The following EBPL variants were observed in gnomAD, a reference collection of about 807,000 sequenced individuals.
EBPL encodes emopamil-binding protein-like.
EBPL carries 20 observed loss-of-function variants against 19.0 expected under a neutral mutation model. The observed-to-expected ratio is 1.05, with a 90% CI of 0.74 to 1.53. The LOEUF (loss-of-function observed/expected upper bound fraction) is 1.53. Among genes scored for constraint, EBPL ranks in the 40% most tolerant of loss-of-function variants. The probability of loss-of-function intolerance (pLI) is 0.00; values close to 1 mark genes in which losing one functional copy is unlikely to be tolerated. For synonymous variants in EBPL, 107 were observed against 117.0 expected, an observed-to-expected ratio of 0.91 and a Z score of 0.55; for missense variants, 219 against 261.1, an observed-to-expected ratio of 0.84 and a Z score of 1.11.
intron 1 of EBPL, among the ~76,000 whole-genome samples, chr13:49,683,297 C>A (rs546838409): frequency 6.6e-6 from 1 of 151,808 alleles, no homozygotes; most frequent in Non-Finnish European, 1.5e-5. Context: ...GAGGCCGAGG[C>A]GGGCAGATCA....
chr13:49,663,874 G>A (rs947967875), intron 2 of EBPL, among the ~76,000 whole-genome samples: 2 of 151,218 alleles, frequency 1.3e-5, no homozygotes, highest in South Asian at 2.1e-4. Context: ...GCAGTGAGCC[G>A]AGATTGCGCC....
rs561540710 is a variant in EBPL at position 49,675,606 on chromosome 13, G to T, written c.172-5760C>A. Among the ~76,000 whole-genome samples the T allele has an allele frequency of 2.6e-5, 4 of 152,320 alleles. No individual in the cohort carries two copies. The East Asian group carries it at 7.7e-4, about 29-fold the overall frequency. Reference sequence around the variant, plus strand: ...TATTCATTTGCTGGTGGACATTTATGTTGTTTCCATTTTGGGGTTATTGTG... The same window carrying T: ...TATTCATTTGCTGGTGGACATTTATTTTGTTTCCATTTTGGGGTTATTGTG... On this transcript the variant is annotated intron_variant, in intron 1 of 3. Coordinates refer to ENST00000242827, the MANE Select transcript of EBPL (RefSeq NM_032565.5).
chr13:49,689,436 A>G (rs1414688631), intron 1 of EBPL, among the ~76,000 whole-genome samples: 7 of 152,034 alleles, frequency 4.6e-5, no homozygotes, highest in African/African-American at 1.7e-4. Context: ...TACAACCTCC[A>G]CCTTCCAGGT....
chr13:49,663,869 G>A (rs1203048991), intron 2 of EBPL, among the ~76,000 whole-genome samples: 1 of 151,522 alleles, frequency 6.6e-6, no homozygotes, highest in Non-Finnish European at 1.5e-5. Flanking sequence ...AGCTTGCAGT[G>A]AGCCGAGATT....
intron 1 of EBPL, among the ~76,000 whole-genome samples, chr13:49,670,092 A>G (rs1299330432): frequency 6.6e-6 from 1 of 152,232 alleles, no homozygotes; most frequent in Non-Finnish European, 1.5e-5. Context: ...TTGGCACTGT[A>G]AAAGCAGAGA....
At position 49,673,955 on chromosome 13, in the gene EBPL, A is replaced by G. The variant is rs1295642107; in HGVS notation, c.172-4109T>C. ...CTACCCAGTTGATACAATTATATGG[A>G]ACTTAATACACACACACACACACAC... On this transcript the variant is annotated intron_variant, in intron 1 of 3. Coordinates refer to ENST00000242827, the MANE Select transcript of EBPL (RefSeq NM_032565.5). Among the ~76,000 whole-genome samples the G allele has an allele frequency of 3.1e-5, 4 of 128,156 alleles. No homozygotes were observed. The Admixed American group carries it at 3.3e-4, about 11-fold the overall frequency. The allele number at this position is 128,156 out of a possible 152,430, so 84.1% of individuals were successfully genotyped here. A position where few individuals can be genotyped will look rare whatever the true frequency, so the allele number is the denominator to read the frequency against.
rs148149040 is a variant in EBPL at position 49,676,263 on chromosome 13, C to A, written c.172-6417G>T. On this transcript the variant is annotated intron_variant, in intron 1 of 3. Coordinates refer to ENST00000242827, the MANE Select transcript of EBPL (RefSeq NM_032565.5). ...TCTGCAGTGAATCTTGAGCCCCCCT[C>A]CCCTGCTGCCTGGTAACCTCCTCTT... Among the ~76,000 whole-genome samples the A allele has an allele frequency of 6.4e-3, 969 of 152,242 alleles. 10 individuals carry two copies. Among genetic ancestry groups the A allele is most frequent in the African/African-American group, 0.022 (926 of 41,556 alleles).
At chr13:49,669,328 G>C (rs976641123) in intron 2 of EBPL, among the ~76,000 whole-genome samples, 40 of 152,288 alleles carry the variant, frequency 2.6e-4, no homozygotes, top group African/African-American at 9.4e-4. Flanking sequence ...AGCCTCCTGA[G>C]TAGCTGGGAC....
intron 2 of EBPL, among the ~76,000 whole-genome samples, chr13:49,669,292 C>G (rs1440922762): frequency 2.6e-5 from 4 of 152,132 alleles, no homozygotes; most frequent in African/African-American, 4.8e-5. Flanking sequence ...CCTTGAACTC[C>G]TGGGCTCAAA....
intron 1 of EBPL, among the ~76,000 whole-genome samples, chr13:49,671,066 A>G (rs1019758057): frequency 6.6e-5 from 10 of 152,150 alleles, no homozygotes; most frequent in African/African-American, 2.2e-4. Flanking sequence ...ATGGGCCACA[A>G]TTTCTTTCCT....
intron 1 of EBPL, among the ~76,000 whole-genome samples, chr13:49,673,885 G>A (rs1953845357): frequency 6.6e-6 from 1 of 151,808 alleles, no homozygotes; most frequent in Non-Finnish European, 1.5e-5. Flanking sequence ...CCTTGTTAGT[G>A]CTGGAACTAT....
At chr13:49,662,642 CT>C (rs397749443) in intron 3 of EBPL, among the ~76,000 whole-genome samples, 172 of 144,774 alleles carry the variant, frequency 1.2e-3, no homozygotes, top group Admixed American at 1.5e-3. Context: ...TTCTCTTCTG[CT>C]TTTTTTTTTT....
intron 3 of EBPL, chr13:49,661,843 A>G (rs1206812181): frequency 1.9e-6 from 3 of 1,550,212 alleles, no homozygotes; most frequent in Non-Finnish European, 2.6e-6. Flanking sequence ...AGATGGTGGA[A>G]AATGGAATGC....
chr13:49,664,570 ACTTT>A (rs1965199372), intron 2 of EBPL, among the ~76,000 whole-genome samples: 2 of 152,292 alleles, frequency 1.3e-5, no homozygotes, highest in South Asian at 4.1e-4. Flanking sequence ...TTATTTAATT[ACTTT>A]CTTAATTTGT....
At chr13:49,682,076 C>T (rs1413462693) in intron 1 of EBPL, among the ~76,000 whole-genome samples, 1 of 152,212 alleles carries the variant, frequency 6.6e-6, no homozygotes, top group African/African-American at 2.4e-5. Context: ...GGTGACAAGG[C>T]TTTAATGACT....
At chr13:49,678,641 G>A (rs994261213) in intron 1 of EBPL, among the ~76,000 whole-genome samples, 2 of 151,530 alleles carry the variant, frequency 1.3e-5, no homozygotes, top group Admixed American at 6.6e-5. Flanking sequence ...TGCGCAGCCC[G>A]GGTTCTCGCC....
intron 1 of EBPL, among the ~76,000 whole-genome samples, chr13:49,689,885 C>T (rs998857400): frequency 2.0e-5 from 3 of 152,112 alleles, no homozygotes; most frequent in Admixed American, 1.3e-4. Context: ...GGCGGTGGCT[C>T]ACGCCTGTCA....
Position 49,661,041 on chromosome 13 carries a change from A to C in EBPL, c.548T>G (p.Leu183Arg), listed in dbSNP as rs780455715. The stretch of plus-strand genomic sequence containing the variant: ...GAGTTCTAGCCATGACTGCCACAGT[A>C]GCAGTCCTGGGATCAGAACCCACAC... ...NGVWVLIPGLLLWQSWLELKK... is the reference protein window; with the variant it reads ...NGVWVLIPGLRLWQSWLELKK... Residue 183 changes from leucine to arginine, a missense_variant, in exon 4 of 4, where the codon CTA becomes CGA. This residue lies in a region of EBPL where 49 missense variants were observed against 94.1 expected (regional missense o/e 0.52). Coordinates refer to ENST00000242827, the MANE Select transcript of EBPL (RefSeq NM_032565.5). The C allele has an allele frequency of 6.2e-7, 1 of 1,614,142 alleles. No homozygotes were observed. Among genetic ancestry groups the C allele is most frequent in the Admixed American group, 1.7e-5 (1 of 60,018 alleles).
chr13:49,669,013 G>C (rs1221920555), intron 2 of EBPL, among the ~76,000 whole-genome samples: 1 of 151,490 alleles, frequency 6.6e-6, no homozygotes, highest in Admixed American at 6.6e-5. Context: ...CCAAGTACCT[G>C]GGACTACAGG....
Sources: allele counts gnomAD v4.1 joint callset (sites outside exome capture counted in the v4.1 genomes callset), GRCh38; gene constraint gnomAD v4.1.1; regional missense constraint gnomAD v4.1.1; transcripts MANE v1.5; gene names NCBI Gene and HGNC (gene_info 2026-07-23, HGNC 2026-07-21).